The following RAB8B variants were observed in gnomAD, a reference collection of about 807,000 sequenced individuals.
RAB8B encodes the protein ras-related protein Rab-8B.
RAB8B carries 11 observed loss-of-function variants against 32.0 expected under a neutral mutation model. That is an observed-to-expected ratio of 0.34 (90% CI 0.22 to 0.57). The LOEUF is 0.57. RAB8B is among the 20% of genes least tolerant of loss of function. RAB8B has a pLI of 0.86. For synonymous variants in RAB8B, 103 were observed against 89.6 expected (o/e 1.15, Z -0.85); for missense variants, 190 against 258.5 (o/e 0.73, Z 1.82).
chr15:63,211,001 C>G (rs936352639), intron 1 of RAB8B, among the ~76,000 whole-genome samples: 2 of 152,306 alleles, frequency 1.3e-5, no homozygotes, highest in Middle Eastern at 3.4e-3. Flanking sequence ...GAGGAAACCA[C>G]TTTTGCCAAA....
intron 6 of RAB8B, among the ~76,000 whole-genome samples, chr15:63,261,394 G>A (rs2038202541): frequency 1.3e-5 from 2 of 152,202 alleles, no homozygotes; most frequent in South Asian, 4.1e-4. Flanking sequence ...ATATGATCCA[G>A]CAGTCTCACT....
chr15:63,248,721 G>C lies in RAB8B; in HGVS notation c.186-924G>C, dbSNP rs1454328703. Among the ~76,000 whole-genome samples, 3 of 152,026 alleles carry C rather than the reference G, an allele frequency of 2.0e-5. No homozygotes were observed. The highest frequency in any genetic ancestry group is 7.2e-5 in the African/African-American group (3 of 41,380). On this transcript the variant is annotated intron_variant, in intron 2 of 7. Transcript: ENST00000321437. The surrounding 1 kb of genome is among the most constrained non-coding windows in gnomAD (Gnocchi z 4.4). Reference sequence around the variant, plus strand: ...TTGTAAGATATATGTCTATGTTAAGGTGTTTATTGCTTTTTAACTTATGAT... The same window carrying C: ...TTGTAAGATATATGTCTATGTTAAGCTGTTTATTGCTTTTTAACTTATGAT...
chr15:63,208,230 A>T (rs1328468765), intron 1 of RAB8B, among the ~76,000 whole-genome samples: 1 of 152,034 alleles, frequency 6.6e-6, no homozygotes, highest in African/African-American at 2.4e-5. Flanking sequence ...TAACCCAGGG[A>T]CCCTCAACAT....
intron 1 of RAB8B, among the ~76,000 whole-genome samples, chr15:63,211,496 T>C (rs907249602): frequency 5.9e-5 from 9 of 152,346 alleles, no homozygotes; most frequent in Non-Finnish European, 1.0e-4. Context: ...TAGGAAAGAA[T>C]GTTTACGCAA....
intron 1 of RAB8B, among the ~76,000 whole-genome samples, chr15:63,210,415 T>C (rs2037737252): frequency 6.6e-6 from 1 of 152,216 alleles, no homozygotes; most frequent in African/African-American, 2.4e-5. Flanking sequence ...TTCTTCCTGC[T>C]TTGTCTACCT....
In RAB8B at chr15:63,263,720, C is replaced by A; in HGVS notation, c.*101C>A. 1.1e-6 allele frequency: 1 copy of A among 898,864 alleles called. No individual in the cohort carries two copies. The highest frequency in any genetic ancestry group is 1.4e-5 in the South Asian group (1 of 69,560). 55.7% of individuals were successfully genotyped at this position (898,864 alleles called of 1,614,324 possible). ...TCAGAATCACACCTCCCGGCTGCTGCTGAGAGCACCACTGAACTTAGACCT... is the reference window on the plus strand; with the variant it reads ...TCAGAATCACACCTCCCGGCTGCTGATGAGAGCACCACTGAACTTAGACCT... On this transcript the variant is annotated 3_prime_UTR_variant, in exon 8 of 8. Coordinates refer to ENST00000321437, the MANE Select transcript of RAB8B (RefSeq NM_016530.3).
intron 3 of RAB8B, among the ~76,000 whole-genome samples, chr15:63,250,397 C>A (rs887234312): frequency 6.6e-6 from 1 of 152,180 alleles, no homozygotes; most frequent in Non-Finnish European, 1.5e-5. Context: ...TACCTCACCA[C>A]CTCCACAACA....
intron 1 of RAB8B, among the ~76,000 whole-genome samples, chr15:63,220,710 A>C (rs2037837522): frequency 6.6e-6 from 1 of 152,186 alleles, no homozygotes; most frequent in Admixed American, 6.5e-5. Context: ...TGTAAACCTG[A>C]TTGTATTCCA....
Position 63,260,628 on chromosome 15 carries a change from T to G in RAB8B, c.480+936T>G, listed in dbSNP as rs577990507. Among the ~76,000 whole-genome samples the G allele has an allele frequency of 2.4e-4, 36 of 152,174 alleles. No homozygotes were observed. In the South Asian group the frequency reaches 7.5e-3, roughly 32 times the overall value. The stretch of plus-strand genomic sequence containing the variant: ...GCAGAAAACCACCATGGCACGTGTA[T>G]ACCTAGGTAACAAACCTGCATGTTC... On this transcript the variant is annotated intron_variant, in intron 6 of 7. Coordinates refer to ENST00000321437, the MANE Select transcript of RAB8B (RefSeq NM_016530.3).
At chr15:63,236,902 C>G (rs571288567) in intron 1 of RAB8B, among the ~76,000 whole-genome samples, 30 of 152,276 alleles carry the variant, frequency 2.0e-4, no homozygotes, top group African/African-American at 4.3e-4. Flanking sequence ...CCCTACCCCC[C>G]ACTACCCTTC....
intron 1 of RAB8B, among the ~76,000 whole-genome samples, chr15:63,206,886 C>A (rs183524078): frequency 1.0e-3 from 158 of 152,208 alleles, no homozygotes; most frequent in Middle Eastern, 3.4e-3. Flanking sequence ...GTCATCATGA[C>A]CTCCTTGTTA....
In RAB8B at chr15:63,265,132, C is replaced by T. The variant is rs1173057268; in HGVS notation, c.*1513C>T. ...TTAATAATTATTCTTCCTGGTATGC[C>T]TGTTTTGCTTCACAAAGGCTACTAT... On this transcript the variant is annotated 3_prime_UTR_variant, in exon 8 of 8. Coordinates refer to ENST00000321437, the MANE Select transcript of RAB8B (RefSeq NM_016530.3). This position sits in a 1 kb window ranked among gnomAD's most constrained non-coding sequence, Gnocchi z 4.9. 1 of 152,502 alleles carries T rather than the reference C, an allele frequency of 6.6e-6. No homozygotes were observed. The highest frequency in any genetic ancestry group is 1.5e-5 in the Non-Finnish European group (1 of 68,026). 9.4% of individuals were successfully genotyped at this position (152,502 alleles called of 1,614,324 possible).
chr15:63,196,966 C>A (rs1043270946), intron 1 of RAB8B, among the ~76,000 whole-genome samples: 1 of 152,096 alleles, frequency 6.6e-6, no homozygotes, highest in Admixed American at 6.6e-5. Flanking sequence ...AGAGCCATTT[C>A]AGCTTTGTCT....
chr15:63,230,447 G>A (rs1448465390), intron 1 of RAB8B, among the ~76,000 whole-genome samples: 3 of 151,852 alleles, frequency 2.0e-5, no homozygotes, highest in East Asian at 3.9e-4. Flanking sequence ...GATTACAGGC[G>A]CCCACCACCA....
chr15:63,255,610 A>G (rs759122985), intron 4 of RAB8B, 26 bp downstream of exon 4: 1 of 1,540,336 alleles, frequency 6.5e-7, no homozygotes, highest in South Asian at 1.1e-5. Context: ...GAATGGTGAC[A>G]TTGGAGAAGA....
intron 1 of RAB8B, among the ~76,000 whole-genome samples, chr15:63,221,299 T>C (rs965889861): frequency 1.3e-5 from 2 of 152,164 alleles, no homozygotes; most frequent in Non-Finnish European, 2.9e-5. Flanking sequence ...TAAAAAGGTA[T>C]CCAGTATCCT....
intron 1 of RAB8B, among the ~76,000 whole-genome samples, chr15:63,235,654 G>A (rs1388794430): frequency 6.7e-6 from 1 of 149,292 alleles, no homozygotes; most frequent in Admixed American, 6.7e-5. Flanking sequence ...ATTATACATG[G>A]ATATATATAT....
intron 1 of RAB8B, among the ~76,000 whole-genome samples, chr15:63,228,034 C>T (rs2037903887): frequency 6.6e-6 from 1 of 151,718 alleles, no homozygotes; most frequent in South Asian, 2.1e-4. Context: ...CACAGGGTCT[C>T]ACTTTGTCAC....
At chr15:63,203,490 A>G (rs1226683169) in intron 1 of RAB8B, among the ~76,000 whole-genome samples, 2 of 152,222 alleles carry the variant, frequency 1.3e-5, no homozygotes, top group African/African-American at 2.4e-5. Flanking sequence ...GCACACACAA[A>G]AAGTGTGTAA....
Sources: allele counts gnomAD v4.1 joint callset (sites outside exome capture counted in the v4.1 genomes callset), GRCh38; gene constraint gnomAD v4.1.1; non-coding constraint Gnocchi (gnomAD v3.1); transcripts MANE v1.5; gene names NCBI Gene and HGNC (gene_info 2026-07-23, HGNC 2026-07-21).